The following BRIP1 variants were observed in gnomAD, a reference collection of about 807,000 sequenced individuals.
BRIP1 encodes the protein Fanconi anemia group J protein.
In BRIP1, 88 loss-of-function variants were observed where a neutral mutation model predicts 119.7. The observed-to-expected ratio is 0.74, with a 90% confidence interval of 0.62 to 0.88. BRIP1 has a LOEUF of 0.88. Among genes scored for constraint, BRIP1 ranks in the 40% least tolerant of loss-of-function variants. BRIP1 has a pLI of 0.00. For synonymous variants in BRIP1, 443 were observed against 496.5 expected, an observed-to-expected ratio of 0.89 and a Z score of 1.43; for missense variants, 1,259 against 1,455.4, an observed-to-expected ratio of 0.87 and a Z score of 2.20.
chr17:61,803,708 A>G lies in BRIP1; in HGVS notation c.919-2234T>C, dbSNP rs539025340. Among the ~76,000 whole-genome samples, 11 of 152,294 alleles carry G rather than the reference A, an allele frequency of 7.2e-5. No individual in the cohort carries two copies. In the South Asian group the frequency reaches 1.7e-3, roughly 23 times the overall value. The stretch of plus-strand genomic sequence containing the variant: ...CTAACAAGTGTCTCATATACTATTA[A>G]AAATGTACAAAATTAGAAAAGTATA... On this transcript the variant is annotated intron_variant, in intron 7 of 19. Coordinates refer to ENST00000259008, the MANE Select transcript of BRIP1 (RefSeq NM_032043.3). This position sits in a 1 kb window ranked among gnomAD's most constrained non-coding sequence, Gnocchi z 4.3.
intron 17 of BRIP1, among the ~76,000 whole-genome samples, chr17:61,694,448 T>G (rs1383088134): frequency 2.0e-5 from 3 of 152,164 alleles, no homozygotes; most frequent in Non-Finnish European, 4.4e-5. Flanking sequence ...ATGTTTCCAC[T>G]TTTTGGCTAG....
At chr17:61,847,328 A>G (rs1381803251) in intron 5 of BRIP1, 108 bp from the exon 6 acceptor site, 3 of 1,243,812 alleles carry the variant, frequency 2.4e-6, no homozygotes, top group African/African-American at 1.5e-5. Flanking sequence ...GCATCCAAAA[A>G]AAGACTATTT....
intron 3 of BRIP1, among the ~76,000 whole-genome samples, chr17:61,858,375 G>C (rs1184332545): frequency 7.1e-6 from 1 of 141,784 alleles, no homozygotes; most frequent in Non-Finnish European, 1.6e-5. Context: ...AGTATTTACT[G>C]TTTTTTTTTT....
In BRIP1 at chr17:61,746,900, C is replaced by T. The variant is rs2077065530; in HGVS notation, c.2098-2309G>A. ...AAAATACATATTCTTCACAACTGTA[C>T]ATGGAACATTCTCTAGGACAGATCA... On this transcript the variant is annotated intron_variant, in intron 14 of 19. Coordinates refer to ENST00000259008, the MANE Select transcript of BRIP1 (RefSeq NM_032043.3). The surrounding 1 kb of genome is among the most constrained non-coding windows in gnomAD (Gnocchi z 4.9). Among the ~76,000 whole-genome samples the T allele has an allele frequency of 6.6e-6, 1 of 152,092 alleles. No homozygotes were observed. Among genetic ancestry groups the T allele is most frequent in the African/African-American group, 2.4e-5 (1 of 41,414 alleles).
chr17:61,782,120 T>C (rs1234918344), intron 11 of BRIP1, among the ~76,000 whole-genome samples: 1 of 151,820 alleles, frequency 6.6e-6, no homozygotes, highest in East Asian at 1.9e-4. Flanking sequence ...GTGCGATGGC[T>C]CACGCCTGTA....
rs1342810422 is a variant in BRIP1, at chr17:61,768,963, A to C, written c.2097+7438T>G. On this transcript the variant is annotated intron_variant, in intron 14 of 19. Transcript: ENST00000259008. This position sits in a 1 kb window ranked among gnomAD's most constrained non-coding sequence, Gnocchi z 5.0. ...AAGAAGGAAAAAAAAAAGTAGTAGT[A>C]GTAATAAGCTGCCACGTTGTTGAGA... Among the ~76,000 whole-genome samples, 1 of 152,198 alleles carries C rather than the reference A, an allele frequency of 6.6e-6. No individual in the cohort carries two copies. Among genetic ancestry groups the C allele is most frequent in the African/African-American group, 2.4e-5 (1 of 41,446 alleles).
chr17:61,698,356 T>C (rs2061559869), intron 17 of BRIP1, among the ~76,000 whole-genome samples: 1 of 152,232 alleles, frequency 6.6e-6, no homozygotes, highest in Admixed American at 6.5e-5. Flanking sequence ...CTTGTAATGA[T>C]TTCAACCTCT....
chr17:61,774,262 A>G lies in BRIP1; in HGVS notation c.2097+2139T>C, dbSNP rs537354027. 6.6e-6 allele frequency among the ~76,000 whole-genome samples: 1 copy of G among 152,368 alleles called. No individual in the cohort carries two copies. The highest frequency in any genetic ancestry group is 2.4e-5 in the African/African-American group (1 of 41,588). ...ATAGAATACTATGCAGCCATAAAAA[A>G]GGATGAGTTCATGTCCTTTGCAGGG... On this transcript the variant is annotated intron_variant, in intron 14 of 19. Coordinates refer to ENST00000259008, the MANE Select transcript of BRIP1 (RefSeq NM_032043.3). This position sits in a 1 kb window ranked among gnomAD's most constrained non-coding sequence, Gnocchi z 5.8.
At position 61,725,121 on chromosome 17, in the gene BRIP1, TA is replaced by T. The variant is rs1435015868; in HGVS notation, c.2380-9059del. Among the ~76,000 whole-genome samples, 2 of 141,718 alleles carry T rather than the reference TA, an allele frequency of 1.4e-5. No individual in the cohort carries two copies. Among genetic ancestry groups the T allele is most frequent in the Non-Finnish European group, 3.1e-5 (2 of 65,152 alleles). 93.0% of individuals were successfully genotyped at this position (141,718 alleles called of 152,430 possible). On this transcript the variant is annotated intron_variant, in intron 16 of 19. Transcript: ENST00000259008. This position sits in a 1 kb window ranked among gnomAD's most constrained non-coding sequence, Gnocchi z 5.3. Reference sequence around the variant, plus strand: ...AAGATTTCTGACACAGTTAACCAAATAGTGTGTGTGTGTGTGTGTGTGTGTA... The same window carrying T: ...AAGATTTCTGACACAGTTAACCAAATGTGTGTGTGTGTGTGTGTGTGTGTA...
In BRIP1 at chr17:61,686,158, A is replaced by C. The variant is rs2144118726; in HGVS notation, c.2583T>G (p.Ser861=). The C allele has an allele frequency of 1.2e-6, 2 of 1,614,082 alleles. No individual in the cohort carries two copies. Among genetic ancestry groups the C allele is most frequent in the Non-Finnish European group, 1.7e-6 (2 of 1,179,940 alleles). ...GCTGAATCTGCTGCCGTACCCATTT[A>C]GAAAGTCCTAAAGAAAAAGGTAAAC... ...NNPSRYISGL[S]KWVRQQIQHH... is the part of the protein sequence containing the mutation. Residue 861 remains serine, a synonymous_variant, in exon 19 of 20, where the codon TCT becomes TCG. Transcript: ENST00000259008. This position sits in a 1 kb window ranked among gnomAD's most constrained non-coding sequence, Gnocchi z 5.4.
At chr17:61,820,096 A>G (rs746598907) in intron 6 of BRIP1, among the ~76,000 whole-genome samples, 75 of 152,172 alleles carry the variant, frequency 4.9e-4, no homozygotes, top group Admixed American at 1.3e-3. Context: ...TCTGTGGGGG[A>G]AATTATTCAA....
chr17:61,721,266 G>GC (rs1447854654), intron 16 of BRIP1, among the ~76,000 whole-genome samples: 1 of 118,466 alleles, frequency 8.4e-6, no homozygotes, highest in Non-Finnish European at 1.8e-5. Flanking sequence ...TAAAATCTAA[G>GC]CTTTTTTTTT....
chr17:61,706,973 T>C lies in BRIP1; in HGVS notation c.2492+8978A>G, dbSNP rs2061698931. Reference sequence around the variant, plus strand: ...CTTCCTGGTTGTTTTAGGAATTATCTTTGCCTCTATTCTGGATTGGAACCC... The same window carrying C: ...CTTCCTGGTTGTTTTAGGAATTATCCTTGCCTCTATTCTGGATTGGAACCC... On this transcript the variant is annotated intron_variant, in intron 17 of 19. Transcript: ENST00000259008. The surrounding 1 kb of genome is among the most constrained non-coding windows in gnomAD (Gnocchi z 5.7). Among the ~76,000 whole-genome samples the C allele has an allele frequency of 6.6e-6, 1 of 152,186 alleles. No individual in the cohort carries two copies. Among genetic ancestry groups the C allele is most frequent in the Non-Finnish European group, 1.5e-5 (1 of 68,028 alleles).
Position 61,841,796 on chromosome 17 carries a change from A to T in BRIP1, c.627+5305T>A, listed in dbSNP as rs1173479207. 6.6e-6 allele frequency among the ~76,000 whole-genome samples: 1 copy of T among 152,152 alleles called. No homozygotes were observed. Among genetic ancestry groups the T allele is most frequent in the Non-Finnish European group, 1.5e-5 (1 of 68,018 alleles). On this transcript the variant is annotated intron_variant, in intron 6 of 19. Coordinates refer to ENST00000259008, the MANE Select transcript of BRIP1 (RefSeq NM_032043.3). This position sits in a 1 kb window ranked among gnomAD's most constrained non-coding sequence, Gnocchi z 4.1. Reference sequence around the variant, plus strand: ...AGAGTCAAGTGATCGCCCATGCCTCAGCCTCCCAAGTAGCTAGGACTGCAG... The same window carrying T: ...AGAGTCAAGTGATCGCCCATGCCTCTGCCTCCCAAGTAGCTAGGACTGCAG...
In BRIP1 at chr17:61,758,180, A is replaced by T. The variant is rs779847270; in HGVS notation, c.2098-13589T>A. Reference sequence around the variant, plus strand: ...TATAATCTGACTTGTTTTGCTTTTTAAAAATGAAGAACTGTTGACTGAGTT... The same window carrying T: ...TATAATCTGACTTGTTTTGCTTTTTTAAAATGAAGAACTGTTGACTGAGTT... On this transcript the variant is annotated intron_variant, in intron 14 of 19. Transcript: ENST00000259008. The surrounding 1 kb of genome is among the most constrained non-coding windows in gnomAD (Gnocchi z 5.3). 6.6e-6 allele frequency among the ~76,000 whole-genome samples: 1 copy of T among 152,214 alleles called. No homozygotes were observed. Among genetic ancestry groups the T allele is most frequent in the Admixed American group, 6.5e-5 (1 of 15,274 alleles).
Position 61,780,477 on chromosome 17 carries a change from C to T in BRIP1, c.1795-76G>A. 7.6e-7 allele frequency: 1 copy of T among 1,322,514 alleles called. No individual in the cohort carries two copies. The highest frequency in any genetic ancestry group is 1.2e-5 in the South Asian group (1 of 83,944). The allele number at this position is 1,322,514 out of a possible 1,614,324, so 81.9% of individuals were successfully genotyped here. A position where few individuals can be genotyped will look rare whatever the true frequency, so the allele number is the denominator to read the frequency against. On this transcript the variant is annotated intron_variant, in intron 12 of 19. Coordinates refer to ENST00000259008, the MANE Select transcript of BRIP1 (RefSeq NM_032043.3). The surrounding 1 kb of genome is among the most constrained non-coding windows in gnomAD (Gnocchi z 5.4). ...GCAAAGTGGCTCACACCTGTAATCCCAGCACTTTGGGAGGCTGAAGCAGGA... is the reference window on the plus strand; with the variant it reads ...GCAAAGTGGCTCACACCTGTAATCCTAGCACTTTGGGAGGCTGAAGCAGGA...
At chr17:61,850,167 A>G (rs2078797048) in intron 4 of BRIP1, among the ~76,000 whole-genome samples, 1 of 146,404 alleles carries the variant, frequency 6.8e-6, no homozygotes, top group Admixed American at 6.9e-5. Context: ...CAATGGTGTG[A>G]TCTCAGCTCA....
chr17:61,822,035 G>A lies in BRIP1; in HGVS notation c.628-13278C>T, dbSNP rs1170584778. Reference sequence around the variant, plus strand: ...AAAATTGTCAGAAGAATCAGTAATAGCCACCAGTAAAAGAACTAAATGACA... The same window carrying A: ...AAAATTGTCAGAAGAATCAGTAATAACCACCAGTAAAAGAACTAAATGACA... On this transcript the variant is annotated intron_variant, in intron 6 of 19. Coordinates refer to ENST00000259008, the MANE Select transcript of BRIP1 (RefSeq NM_032043.3). The surrounding 1 kb of genome is among the most constrained non-coding windows in gnomAD (Gnocchi z 4.4). 6.6e-6 allele frequency among the ~76,000 whole-genome samples: 1 copy of A among 152,156 alleles called. No individual in the cohort carries two copies. Among genetic ancestry groups the A allele is most frequent in the African/African-American group, 2.4e-5 (1 of 41,420 alleles).
At position 61,795,046 on chromosome 17, in the gene BRIP1, G is replaced by A. The variant is rs965049432; in HGVS notation, c.1341-1317C>T. ...GATAAGCAGAAATCAGTCATCTTGA[G>A]TCATCATAAGAAATCTGAATTTATT... On this transcript the variant is annotated intron_variant, in intron 9 of 19. Coordinates refer to ENST00000259008, the MANE Select transcript of BRIP1 (RefSeq NM_032043.3). This position sits in a 1 kb window ranked among gnomAD's most constrained non-coding sequence, Gnocchi z 5.6. Among the ~76,000 whole-genome samples the A allele has an allele frequency of 6.6e-6, 1 of 152,038 alleles. No homozygotes were observed. The highest frequency in any genetic ancestry group is 2.4e-5 in the African/African-American group (1 of 41,424).
Sources: allele counts gnomAD v4.1 joint callset (sites outside exome capture counted in the v4.1 genomes callset), GRCh38; gene constraint gnomAD v4.1.1; non-coding constraint Gnocchi (gnomAD v3.1); transcripts MANE v1.5; gene names NCBI Gene and HGNC (gene_info 2026-07-23, HGNC 2026-07-21).